INF2: variants seen among roughly 807,000 people sequenced by gnomAD.
INF2 encodes the protein inverted formin 2, also known as inverted formin-2.
In INF2, 43 loss-of-function variants were observed where a neutral mutation model predicts 123.5. The observed-to-expected ratio is 0.35, with a 90% CI of 0.27 to 0.45. The LOEUF (loss-of-function observed/expected upper bound fraction) is 0.45, where lower values mean the gene tolerates loss of function less well. Ranked by LOEUF, INF2 falls within the 20% of genes least tolerant of loss-of-function variation. INF2 has a pLI of 1.00. For missense variants in INF2, 1,453 were observed against 1,682.7 expected (o/e 0.86, Z 2.39); for synonymous variants, 851 against 745.0 (o/e 1.14, Z -2.32).
intron 14 of INF2, 27 bp downstream of exon 14, chr14:104,711,034 A>C: frequency 6.2e-7 from 1 of 1,610,096 alleles, no homozygotes; most frequent in African/African-American, 1.3e-5. Flanking sequence ...TCCCCATCCC[A>C]CCTGGTGCCA....
Position 104,708,453 on chromosome 14 carries a change from G to A in INF2, c.1753G>A (p.Ala585Thr), listed in dbSNP as rs1179608082. Residue 585 changes from alanine to threonine, a missense_variant, in exon 9 of 23, where the codon GCG (alanine) becomes ACG (threonine). Physicochemically the swap from Ala to Thr is moderately conservative, Grantham distance 58. Transcript: ENST00000392634. ...NVAREHNSMW[A>T]SLSSPDAEAV... ...CCCGACAGAGCACAACTCTATGTGG[G>A]CGTCCCTGAGCAGCCCCGACGCCGA... 12 of 1,612,152 alleles carry A rather than the reference G, an allele frequency of 7.4e-6. No homozygotes were observed. The African/African-American group carries it at 1.1e-4, about 14-fold the overall frequency.
upstream of INF2, among the ~76,000 whole-genome samples, chr14:104,688,054 G>T (rs920844507): frequency 2.0e-5 from 3 of 152,284 alleles, no homozygotes; most frequent in Admixed American, 1.3e-4. Context: ...GGGAGGGCAG[G>T]AAGGCCTTCT....
At position 104,701,346 on chromosome 14, in the gene INF2, T is replaced by C. The variant is rs1244044935; in HGVS notation, c.-9-11T>C. The C allele has an allele frequency of 6.4e-7, 1 of 1,564,546 alleles. No individual in the cohort carries two copies. Among genetic ancestry groups the C allele is most frequent in the Non-Finnish European group, 8.7e-7 (1 of 1,153,698 alleles). On this transcript the variant is annotated splice_polypyrimidine_tract_variant and intron_variant, in intron 1 of 22. Transcript: ENST00000392634. The stretch of plus-strand genomic sequence containing the variant: ...CCTCCCCGCTGACGGCTCCCTGCCC[T>C]CTGCCTGCAGCTCGGCAAGATGTCG...
Position 104,718,500 on chromosome 14 carries a change from C to T in INF2, c.*2-295C>T, listed in dbSNP as rs577625524. 8.6e-4 allele frequency among the ~76,000 whole-genome samples: 130 copies of T among 150,672 alleles called. 1 individual carries two copies. The highest frequency in any genetic ancestry group is 2.9e-3 in the African/African-American group (120 of 40,752). Reference sequence around the variant, plus strand: ...GACAGAGTGCAGCCTGGGTCTCAGACAGGGGGTGGGGGACAGGCCACAGAG... The same window carrying T: ...GACAGAGTGCAGCCTGGGTCTCAGATAGGGGGTGGGGGACAGGCCACAGAG... On this transcript the variant is annotated intron_variant, in intron 22 of 22. Coordinates refer to ENST00000392634, the MANE Select transcript of INF2 (RefSeq NM_022489.4).
At position 104,707,971 on chromosome 14, in the gene INF2, C is replaced by A; in HGVS notation, c.1704C>A (p.Asn568Lys). ...NPPTLRMKKL[N>K]WQKLPSNVAR... ...CCACACTGCGCATGAAGAAGCTGAACTGGCAGAAGCTGCCATCCAACGTGG... is the reference window on the plus strand; with the variant it reads ...CCACACTGCGCATGAAGAAGCTGAAATGGCAGAAGCTGCCATCCAACGTGG... The change falls in exon 8 of 23, where the codon AAC becomes AAA. Residue 568 changes from asparagine to lysine, a missense_variant. Around this residue, in one of 8 missense-constraint regions of INF2, gnomAD observed 192 missense variants for 274.4 expected, o/e 0.70. Coordinates refer to ENST00000392634, the MANE Select transcript of INF2 (RefSeq NM_022489.4). 6.3e-7 allele frequency: 1 copy of A among 1,598,294 alleles called. No homozygotes were observed. Among genetic ancestry groups the A allele is most frequent in the Non-Finnish European group, 8.5e-7 (1 of 1,179,732 alleles).
At chr14:104,717,808 C>T (rs1435256989) in intron 22 of INF2, among the ~76,000 whole-genome samples, 4 of 152,218 alleles carry the variant, frequency 2.6e-5, no homozygotes, top group African/African-American at 7.2e-5. Flanking sequence ...TAATAAGCAC[C>T]GGTGGTGACC....
intron 1 of INF2, among the ~76,000 whole-genome samples, chr14:104,694,082 C>A (rs1889075046): frequency 6.6e-6 from 1 of 152,250 alleles, no homozygotes; most frequent in South Asian, 2.1e-4. Flanking sequence ...CTGCCCCTTC[C>A]CTGGGCCAGG....
At position 104,711,072 on chromosome 14, in the gene INF2, C is replaced by T; in HGVS notation, c.2311-7C>T. On this transcript the variant is annotated splice_region_variant and splice_polypyrimidine_tract_variant and intron_variant, in intron 14 of 22. Transcript: ENST00000392634. ...GGCTGGTGAGACTCACTCCCTGCCC[C>T]TCCCAGGGCAGCCACACCGGTGACG... is the stretch of plus-strand genomic sequence containing the variant. 6.2e-7 allele frequency: 1 copy of T among 1,602,346 alleles called. No homozygotes were observed.
At position 104,710,097 on chromosome 14, in the gene INF2, G is replaced by A; in HGVS notation, c.2148G>A (p.Leu716=). 1 of 1,551,336 alleles carries A rather than the reference G, an allele frequency of 6.4e-7. No individual in the cohort carries two copies. The highest frequency in any genetic ancestry group is 8.7e-7 in the Non-Finnish European group (1 of 1,147,832). Residue 716 remains leucine (L), a synonymous_variant, in exon 13 of 23, where the codon CTG becomes CTA. Coordinates refer to ENST00000392634, the MANE Select transcript of INF2 (RefSeq NM_022489.4). ...LLLLAIPCYQ[L]RIECMLLCEG... Reference sequence around the variant, plus strand: ...TCTGTGCCATCCCCAGCTACCAGCTGCGAATCGAGTGCATGCTGCTGTGTG... The same window carrying A: ...TCTGTGCCATCCCCAGCTACCAGCTACGAATCGAGTGCATGCTGCTGTGTG...
chr14:104,713,358 T>G lies in INF2; in HGVS notation c.2878+49T>G, dbSNP rs1206609593. ...GGAGGGGGTGACTCTGGGATCCTTG[T>G]CTGTGCTCCAGCCTCCCCACCACCC... On this transcript the variant is annotated intron_variant, in intron 19 of 22. Coordinates refer to ENST00000392634, the MANE Select transcript of INF2 (RefSeq NM_022489.4). 5 of 1,557,096 alleles carry G rather than the reference T, an allele frequency of 3.2e-6. No homozygotes were observed. In the African/African-American group the frequency reaches 6.8e-5, roughly 21 times the overall value.
At chr14:104,710,475 A>G (rs1042428104) in intron 13 of INF2, among the ~76,000 whole-genome samples, 2 of 149,652 alleles carry the variant, frequency 1.3e-5, no homozygotes, top group Non-Finnish European at 3.0e-5. Flanking sequence ...ACCGCCACTC[A>G]GGCACGTGCA....
At position 104,712,954 on chromosome 14, in the gene INF2, A is replaced by G; in HGVS notation, c.2737A>G (p.Met913Val). The stretch of plus-strand genomic sequence containing the variant: ...GTCCCTGGAGGACACGTTCAGCACC[A>G]TGAAGGCTTTCCGGGACCTTTTCCT... ...QLSLEDTFST[M>V]KAFRDLFLRA... The change falls in exon 18 of 23, where the codon ATG becomes GTG. Residue 913 changes from methionine (M) to valine (V), a missense_variant. Met to Val is a conservative substitution (Grantham distance 21, BLOSUM62 1). This residue lies in a region of INF2 where 212 missense variants were observed against 266.2 expected (regional missense o/e 0.80). Coordinates refer to ENST00000392634, the MANE Select transcript of INF2 (RefSeq NM_022489.4). 1.9e-6 allele frequency: 3 copies of G among 1,612,674 alleles called. No individual in the cohort carries two copies. Among genetic ancestry groups the G allele is most frequent in the South Asian group, 1.1e-5 (1 of 91,086 alleles).
At chr14:104,698,696 A>C (rs914351575) in intron 1 of INF2, among the ~76,000 whole-genome samples, 1 of 152,210 alleles carries the variant, frequency 6.6e-6, no homozygotes, top group African/African-American at 2.4e-5. Flanking sequence ...CCTCATGCTG[A>C]AAAGCAGTTG....
Position 104,712,908 on chromosome 14 carries a change from G to T in INF2, c.2691G>T (p.Leu897=). The T allele has an allele frequency of 2.5e-6, 4 of 1,612,726 alleles. No homozygotes were observed. Among genetic ancestry groups the T allele is most frequent in the Non-Finnish European group, 3.4e-6 (4 of 1,179,808 alleles). Residue 897 remains leucine (L), a synonymous_variant, in exon 18 of 23, where the codon CTG becomes CTT. Coordinates refer to ENST00000392634, the MANE Select transcript of INF2 (RefSeq NM_022489.4). The part of the protein sequence containing the change: ...EQKQRELADY[L]CEDAQQLSLE... ...AGCAACGGGAGCTGGCCGACTACCT[G>T]TGTGAGGACGCCCAGCAGCTGTCCC...
chr14:104,704,200 C>A lies in INF2; in HGVS notation c.701+251C>A, dbSNP rs377540840. The stretch of plus-strand genomic sequence containing the variant: ...TAGAAAGGACAGAATGAGCTCATAT[C>A]CTTTGCACACCGTGGATGGAGCTGG... On this transcript the variant is annotated intron_variant, in intron 5 of 22. Coordinates refer to ENST00000392634, the MANE Select transcript of INF2 (RefSeq NM_022489.4). The A allele has an allele frequency of 1.1e-5, 16 of 1,419,228 alleles. No homozygotes were observed. The East Asian group carries it at 3.5e-4, about 31-fold the overall frequency. The allele number at this position is 1,419,228 out of a possible 1,614,324, so 87.9% of individuals were successfully genotyped here.
Position 104,712,688 on chromosome 14 carries a change from C to T in INF2, c.2610+135C>T, listed in dbSNP as rs747614055. On this transcript the variant is annotated intron_variant, in intron 17 of 22. Coordinates refer to ENST00000392634, the MANE Select transcript of INF2 (RefSeq NM_022489.4). ...TTTCCCCAGGTGTGCATGGTCAGGG[C>T]ACAGGCCCCTGCTCCTTGTCAGAGA... 270 of 1,498,104 alleles carry T rather than the reference C, an allele frequency of 1.8e-4. 1 individual carries two copies. The highest frequency in any genetic ancestry group is 2.3e-4 in the Non-Finnish European group (249 of 1,101,918). The allele number at this position is 1,498,104 out of a possible 1,614,324, so 92.8% of individuals were successfully genotyped here. A position where few individuals can be genotyped will look rare whatever the true frequency, so the allele number is the denominator to read the frequency against.
chr14:104,700,761 T>A (rs780396770), intron 1 of INF2: 2 of 796,624 alleles, frequency 2.5e-6, no homozygotes, highest in South Asian at 5.7e-5. Flanking sequence ...GTGGGCCCCC[T>A]ACCCACATGC....
At chr14:104,706,293 G>GTCT (rs1889778118) in intron 6 of INF2, 117 bp downstream of exon 6, 2 of 1,105,752 alleles carry the variant, frequency 1.8e-6, no homozygotes, top group Non-Finnish European at 2.5e-6. Context: ...CTGTGACCTG[G>GTCT]GCCATGGTGC....
At chr14:104,715,409 C>T in intron 22 of INF2, 69 bp downstream of exon 22, 1 of 1,395,648 alleles carries the variant, frequency 7.2e-7, no homozygotes, top group South Asian at 1.2e-5. Context: ...GAGCTTGCTG[C>T]CCACACCCCT....
Sources: allele counts gnomAD v4.1 joint callset (sites outside exome capture counted in the v4.1 genomes callset), GRCh38; gene constraint gnomAD v4.1.1; regional missense constraint gnomAD v4.1.1; transcripts MANE v1.5; gene names NCBI Gene and HGNC (gene_info 2026-07-23, HGNC 2026-07-21).